The following GAB2 variants were observed in gnomAD, a reference collection of about 807,000 sequenced individuals.
GAB2 encodes GRB2 associated binding protein 2.
A neutral mutation model predicts 65.5 loss-of-function variants in GAB2; 26 were observed. That is an observed-to-expected ratio of 0.40 (90% confidence interval 0.29 to 0.55). The LOEUF (loss-of-function observed/expected upper bound fraction) is 0.55, where lower values mean the gene tolerates loss of function less well. Ranked by LOEUF, GAB2 falls within the 20% of genes least tolerant of loss-of-function variation. The pLI is 0.53. For synonymous variants in GAB2, 321 were observed against 329.6 expected (o/e 0.97, Z 0.28); for missense variants, 884 against 875.8 (o/e 1.01, Z -0.12).
chr11:78,265,786 G>A (rs756518808), intron 2 of GAB2, among the ~76,000 whole-genome samples: 1 of 152,110 alleles, frequency 6.6e-6, no homozygotes, highest in Non-Finnish European at 1.5e-5. Context: ...TCACCTATGA[G>A]TAAGATGAGA....
rs768357140 is a variant in GAB2 at position 78,216,527 on chromosome 11, T to A, written c.*2745A>T. 8.5e-5 allele frequency: 13 copies of A among 152,202 alleles called. No individual in the cohort carries two copies. Among genetic ancestry groups the A allele is most frequent in the African/African-American group, 1.2e-4 (5 of 41,436 alleles). The allele number at this position is 152,202 out of a possible 1,614,324, so 9.4% of individuals were successfully genotyped here. The stretch of plus-strand genomic sequence containing the variant: ...TTCAAAAGGTCAATTTCACCTCTCA[T>A]CCTTCCATCTCTACCCCTACACTTG... On this transcript the variant is annotated 3_prime_UTR_variant, in exon 10 of 10. Coordinates refer to ENST00000361507, the MANE Select transcript of GAB2 (RefSeq NM_080491.3).
At chr11:78,343,598 G>A (rs914948515) in intron 1 of GAB2, among the ~76,000 whole-genome samples, 6 of 152,202 alleles carry the variant, frequency 3.9e-5, no homozygotes, top group African/African-American at 1.4e-4. Flanking sequence ...AAAGAAGCCA[G>A]GTTCAGGACC....
chr11:78,367,510 G>A (rs1349490500), intron 1 of GAB2, among the ~76,000 whole-genome samples: 7 of 152,148 alleles, frequency 4.6e-5, no homozygotes, highest in African/African-American at 1.2e-4. Flanking sequence ...GACATTTTAC[G>A]GATTTTATGT....
rs189085574 is a variant in GAB2 at position 78,267,470 on chromosome 11, C to T, written c.376+13131G>A. Among the ~76,000 whole-genome samples, 143 of 152,144 alleles carry T rather than the reference C, an allele frequency of 9.4e-4. 1 individual carries two copies. Among genetic ancestry groups the T allele is most frequent in the Middle Eastern group, 3.4e-3 (1 of 294 alleles). ...CACTTTTAGAAATGGACACATGGGG[C>T]GGCCAATTTTTAATAATGTCAAATA... is the stretch of plus-strand genomic sequence containing the variant. On this transcript the variant is annotated intron_variant, in intron 2 of 9. Coordinates refer to ENST00000361507, the MANE Select transcript of GAB2 (RefSeq NM_080491.3).
intron 2 of GAB2, among the ~76,000 whole-genome samples, chr11:78,275,178 T>C (rs1474021542): frequency 6.6e-6 from 1 of 152,140 alleles, no homozygotes; most frequent in Admixed American, 6.6e-5. Flanking sequence ...CAGTGTTGCA[T>C]TAAGGAAGAG....
At chr11:78,287,815 T>A (rs11237439) in intron 1 of GAB2, among the ~76,000 whole-genome samples, 30,239 of 151,032 alleles carry the variant, frequency 0.2, 3,216 homozygotes, top group East Asian at 0.4. Flanking sequence ...CACTGGCTAA[T>A]TTTTGTATTT....
At chr11:78,363,237 A>C (rs1017777894) in intron 1 of GAB2, among the ~76,000 whole-genome samples, 3 of 152,246 alleles carry the variant, frequency 2.0e-5, no homozygotes, top group Non-Finnish European at 4.4e-5. Context: ...CATGAGCTGC[A>C]TAAGCAACCA....
At chr11:78,377,261 G>C (rs193010573) in intron 1 of GAB2, among the ~76,000 whole-genome samples, 256 of 152,326 alleles carry the variant, frequency 1.7e-3, no homozygotes, top group African/African-American at 5.9e-3. Flanking sequence ...CAGGATGAAG[G>C]AACTAGTAGG....
At chr11:78,238,523 T>C (rs1865049066) in intron 3 of GAB2, among the ~76,000 whole-genome samples, 1 of 147,910 alleles carries the variant, frequency 6.8e-6, no homozygotes, top group Non-Finnish European at 1.5e-5. Context: ...GGTAGAAAGT[T>C]TGCTAAACTA....
chr11:78,400,901 CAAAAAAAAAAAAAAAAAA>C (rs59240034), intron 1 of GAB2, among the ~76,000 whole-genome samples: 26 of 65,262 alleles, frequency 4.0e-4, no homozygotes, highest in Non-Finnish European at 5.6e-4. Flanking sequence ...GAGACTGTCT[CAAAAAAAAAAAAAAAAAA>C]AAAAAAAAGG....
chr11:78,271,207 C>A (rs1430553335), intron 2 of GAB2, among the ~76,000 whole-genome samples: 1 of 152,198 alleles, frequency 6.6e-6, no homozygotes, highest in African/African-American at 2.4e-5. Flanking sequence ...CACAACTGAG[C>A]CACAAATGTG....
chr11:78,387,603 C>T (rs1473082745), intron 1 of GAB2, among the ~76,000 whole-genome samples: 2 of 152,232 alleles, frequency 1.3e-5, no homozygotes, highest in African/African-American at 4.8e-5. Context: ...CCATCACTCA[C>T]ATATCCTGCT....
intron 1 of GAB2, among the ~76,000 whole-genome samples, chr11:78,309,419 T>C (rs1338360136): frequency 6.6e-6 from 1 of 151,564 alleles, no homozygotes; most frequent in East Asian, 1.9e-4. Flanking sequence ...AGCCTTCATG[T>C]AATTTTAAGA....
rs1866782933 is a variant in GAB2 at position 78,294,886 on chromosome 11, A to G, written c.76-13985T>C. ...ATGGCAACAAAAGCCAAAATTGACA[A>G]ATGGGATCTAATTAAACTAAAGAGC... On this transcript the variant is annotated intron_variant, in intron 1 of 9. Coordinates refer to ENST00000361507, the MANE Select transcript of GAB2 (RefSeq NM_080491.3). Among the ~76,000 whole-genome samples, 5 of 152,196 alleles carry G rather than the reference A, an allele frequency of 3.3e-5. No individual in the cohort carries two copies. The South Asian group carries it at 1.0e-3, about 32-fold the overall frequency.
intron 1 of GAB2, among the ~76,000 whole-genome samples, chr11:78,313,107 G>A (rs1486963004): frequency 6.6e-6 from 1 of 152,208 alleles, no homozygotes; most frequent in African/African-American, 2.4e-5. Context: ...GATTCATGAA[G>A]AAGGTGTCAC....
chr11:78,324,054 TC>T (rs763839973), intron 1 of GAB2, among the ~76,000 whole-genome samples: 14 of 152,038 alleles, frequency 9.2e-5, no homozygotes, highest in South Asian at 4.1e-4. Context: ...CACCTTGGCC[TC>T]CCAAAGTGCT....
intron 1 of GAB2, among the ~76,000 whole-genome samples, chr11:78,415,943 T>C: frequency 6.6e-6 from 1 of 150,498 alleles, no homozygotes; most frequent in African/African-American, 2.5e-5. Context: ...GGGTCACTTT[T>C]TTTTTTTTTT....
At chr11:78,281,480 G>A (rs566811985) in intron 1 of GAB2, among the ~76,000 whole-genome samples, 13 of 152,148 alleles carry the variant, frequency 8.5e-5, no homozygotes, top group African/African-American at 2.6e-4. Flanking sequence ...CCCAACCTCA[G>A]GTGATCCACC....
rs377138044 is a variant in GAB2 at position 78,223,378 on chromosome 11, T to A, written c.1567+34A>T. ...AAATGGAAAGAGTCCCTAGCCACTGTCCAGAGATGGGACAGGGGAAAGAAT... is the reference window on the plus strand; with the variant it reads ...AAATGGAAAGAGTCCCTAGCCACTGACCAGAGATGGGACAGGGGAAAGAAT... On this transcript the variant is annotated intron_variant, in intron 6 of 9. Transcript: ENST00000361507. 16 of 1,485,976 alleles carry A rather than the reference T, an allele frequency of 1.1e-5. No homozygotes were observed. The African/African-American group carries it at 2.0e-4, about 18-fold the overall frequency. 92.0% of individuals were successfully genotyped at this position (1,485,976 alleles called of 1,614,324 possible). A position where few individuals can be genotyped will look rare whatever the true frequency, so the allele number is the denominator to read the frequency against.
Sources: gnomAD v4.1 joint callset for allele counts (sites outside exome capture counted in the v4.1 genomes callset) on GRCh38, gnomAD v4.1.1 for gene constraint, MANE v1.5 for transcripts, NCBI Gene and HGNC (gene_info 2026-07-23, HGNC 2026-07-21) for gene names.